The following ZCCHC17 variants were observed in gnomAD, a reference collection of about 807,000 sequenced individuals.
ZCCHC17 encodes the protein zinc finger CCHC-type containing 17.
A neutral mutation model predicts 30.6 loss-of-function variants in ZCCHC17; 18 were observed. The ratio of observed to expected loss-of-function variants is 0.59; its 90% CI spans 0.41 to 0.87. The LOEUF (loss-of-function observed/expected upper bound fraction) is 0.87, where lower values mean the gene tolerates loss of function less well. ZCCHC17 is among the 40% of genes least tolerant of loss of function. The probability of loss-of-function intolerance (pLI) is 0.00; values close to 1 mark genes in which losing one functional copy is unlikely to be tolerated. For synonymous variants in ZCCHC17, 88 were observed against 92.4 expected (o/e 0.95, Z 0.27); for missense variants, 263 against 284.2 (o/e 0.93, Z 0.54).
chr1:31,312,091 C>A (rs1278719786), intron 2 of ZCCHC17, among the ~76,000 whole-genome samples: 1 of 152,154 alleles, frequency 6.6e-6, no homozygotes, highest in African/African-American at 2.4e-5. Context: ...ACTTCCCAGC[C>A]TCCAGAATTG....
chr1:31,351,751 A>G (rs191199617), intron 7 of ZCCHC17, among the ~76,000 whole-genome samples: 3 of 152,236 alleles, frequency 2.0e-5, no homozygotes, highest in African/African-American at 7.2e-5. Flanking sequence ...CAAAACAACA[A>G]CAACAAAACC....
At chr1:31,356,029 G>A (rs1639631612) in intron 7 of ZCCHC17, among the ~76,000 whole-genome samples, 1 of 152,200 alleles carries the variant, frequency 6.6e-6, no homozygotes, top group East Asian at 1.9e-4. Context: ...AGCAGTCCAT[G>A]CTCCTGAGTT....
chr1:31,349,298 T>G (rs2148470282), intron 7 of ZCCHC17, among the ~76,000 whole-genome samples: 1 of 152,314 alleles, frequency 6.6e-6, no homozygotes, highest in Non-Finnish European at 1.5e-5. Context: ...ACCAAGATCT[T>G]CTGTAACCTT....
At chr1:31,322,175 C>T (rs950875997) in intron 3 of ZCCHC17, among the ~76,000 whole-genome samples, 1 of 152,214 alleles carries the variant, frequency 6.6e-6, no homozygotes, top group African/African-American at 2.4e-5. Flanking sequence ...CTCCAGTTCT[C>T]TGATTCTCTA....
intron 1 of ZCCHC17, among the ~76,000 whole-genome samples, chr1:31,301,945 C>T (rs543649926): frequency 9.2e-5 from 14 of 152,130 alleles, no homozygotes; most frequent in African/African-American, 3.1e-4. Context: ...GAAAGTGTCC[C>T]GGCCGGGTGC....
intron 3 of ZCCHC17, among the ~76,000 whole-genome samples, chr1:31,324,465 C>T (rs1392230361): frequency 2.0e-5 from 3 of 152,192 alleles, no homozygotes; most frequent in Non-Finnish European, 4.4e-5. Context: ...CTGCCGCCAC[C>T]CAGCCCTGGC....
At chr1:31,352,955 T>C (rs1234161567) in intron 7 of ZCCHC17, among the ~76,000 whole-genome samples, 1 of 152,180 alleles carries the variant, frequency 6.6e-6, no homozygotes, top group Non-Finnish European at 1.5e-5. Context: ...GAGGAAGCAC[T>C]CTGTTTCCCA....
At chr1:31,316,212 G>A (rs915366095) in intron 2 of ZCCHC17, among the ~76,000 whole-genome samples, 11 of 151,998 alleles carry the variant, frequency 7.2e-5, no homozygotes, top group African/African-American at 4.8e-5. Context: ...AACGATTTTC[G>A]TGCCTCAGCT....
Position 31,302,524 on chromosome 1 carries a change from C to T in ZCCHC17, c.-56+5449C>T, listed in dbSNP as rs117245378. On this transcript the variant is annotated intron_variant, in intron 1 of 7. Coordinates refer to ENST00000344147, the MANE Select transcript of ZCCHC17 (RefSeq NM_016505.4). ...TCCATGAATGATATCCACATTGATT[C>T]CTCTAATGTTGGGACCTAGTTAGTG... Among the ~76,000 whole-genome samples, 553 of 152,264 alleles carry T rather than the reference C, an allele frequency of 3.6e-3. 9 individuals carry two copies. The East Asian group carries it at 0.04, about 11-fold the overall frequency.
chr1:31,305,835 A>G (rs1259832708), intron 1 of ZCCHC17, among the ~76,000 whole-genome samples: 1 of 152,194 alleles, frequency 6.6e-6, no homozygotes, highest in Non-Finnish European at 1.5e-5. Context: ...TTTGAAAAAA[A>G]GTTTTATATT....
chr1:31,346,522 TTTC>T, intron 5 of ZCCHC17, 115 bp from the exon 6 acceptor site: 1 of 1,214,182 alleles, frequency 8.2e-7, no homozygotes, highest in East Asian at 2.5e-5. Flanking sequence ...TGTCAAAAAC[TTTC>T]TTTCTTTCTC....
At chr1:31,319,086 A>G (rs183101054) in intron 2 of ZCCHC17, 23 bp from the exon 3 acceptor site, 1 of 1,599,144 alleles carries the variant, frequency 6.3e-7, no homozygotes, top group Non-Finnish European at 8.5e-7. Context: ...TGTGACATTG[A>G]TTTTTTTCCC....
chr1:31,330,344 C>G (rs1638535424), intron 3 of ZCCHC17, among the ~76,000 whole-genome samples: 1 of 152,194 alleles, frequency 6.6e-6, no homozygotes, highest in African/African-American at 2.4e-5. Flanking sequence ...TCAGATGGGA[C>G]TAATTCTGTT....
Position 31,322,231 on chromosome 1 carries a change from C to T in ZCCHC17, c.124+3065C>T, listed in dbSNP as rs116882664. On this transcript the variant is annotated intron_variant, in intron 3 of 7. Coordinates refer to ENST00000344147, the MANE Select transcript of ZCCHC17 (RefSeq NM_016505.4). Reference sequence around the variant, plus strand: ...CAATTCAATTCAATTCTGACACTAACTACCTGGGAATTAGTGTCAGATTCC... The same window carrying T: ...CAATTCAATTCAATTCTGACACTAATTACCTGGGAATTAGTGTCAGATTCC... Among the ~76,000 whole-genome samples the T allele has an allele frequency of 5.6e-4, 86 of 152,302 alleles. 1 individual carries two copies. The East Asian group carries it at 0.016, about 28-fold the overall frequency.
intron 3 of ZCCHC17, among the ~76,000 whole-genome samples, chr1:31,320,662 A>G (rs918441222): frequency 1.1e-4 from 17 of 152,260 alleles, no homozygotes; most frequent in Admixed American, 3.3e-4. Flanking sequence ...TTTTATTGCC[A>G]TTACAAATTT....
chr1:31,324,780 G>T (rs530815312), intron 3 of ZCCHC17, among the ~76,000 whole-genome samples: 180 of 152,258 alleles, frequency 1.2e-3, no homozygotes, highest in Non-Finnish European at 2.1e-3. Flanking sequence ...AGGTGCCCCT[G>T]GGCACAGAAC....
chr1:31,301,843 G>A (rs1366410096), intron 1 of ZCCHC17, among the ~76,000 whole-genome samples: 1 of 151,996 alleles, frequency 6.6e-6, no homozygotes, highest in Admixed American at 6.6e-5. Context: ...ACAGGTCCAC[G>A]ACTGGAATTT....
In ZCCHC17 at chr1:31,338,955, A is replaced by T; in HGVS notation, c.226-2A>T. On this transcript the variant is annotated splice_acceptor_variant, in intron 4 of 7. Transcript: ENST00000344147. LOFTEE classifies it high-confidence loss of function. ...TTGGTGACTTTTTTTGGTCTCTTTC[A>T]GATGAAAAATGATAGAATAAAAGTA... 6.2e-7 allele frequency: 1 copy of T among 1,601,608 alleles called. No homozygotes were observed. Among genetic ancestry groups the T allele is most frequent in the Non-Finnish European group, 8.5e-7 (1 of 1,176,562 alleles).
At chr1:31,337,494 G>A (rs373662208) in intron 4 of ZCCHC17, among the ~76,000 whole-genome samples, 1 of 152,172 alleles carries the variant, frequency 6.6e-6, no homozygotes, top group Non-Finnish European at 1.5e-5. Flanking sequence ...TGCAATAAGT[G>A]CACGTTTGTA....
Sources: allele counts gnomAD v4.1 joint callset (sites outside exome capture counted in the v4.1 genomes callset), GRCh38; gene constraint gnomAD v4.1.1; transcripts MANE v1.5; gene names NCBI Gene and HGNC (gene_info 2026-07-23, HGNC 2026-07-21).